Variants in PDCD10 observed in about 807,000 individuals in gnomAD.
PDCD10 encodes programmed cell death protein 10.
Under a neutral mutation model 29.2 loss-of-function variants are expected in PDCD10, and 4 were observed. The ratio of observed to expected loss-of-function variants is 0.14; its 90% confidence interval spans 0.07 to 0.31. PDCD10 has a LOEUF of 0.31. Ranked by LOEUF, PDCD10 falls within the 10% of genes least tolerant of loss-of-function variation. The pLI, the probability that PDCD10 is intolerant of heterozygous loss-of-function variation, is 1.00. For missense variants in PDCD10, 183 were observed against 257.9 expected, an observed-to-expected ratio of 0.71 and a Z score of 1.99; for synonymous variants, 70 against 82.2, an observed-to-expected ratio of 0.85 and a Z score of 0.80.
chr3:167,701,647 A>G (rs1417359964), intron 4 of PDCD10, among the ~76,000 whole-genome samples: 1 of 152,218 alleles, frequency 6.6e-6, no homozygotes, highest in Non-Finnish European at 1.5e-5. Flanking sequence ...TCAGGGGATC[A>G]AGAACCTTTA....
At chr3:167,691,315 T>C (rs1422881001) in intron 6 of PDCD10, among the ~76,000 whole-genome samples, 1 of 152,218 alleles carries the variant, frequency 6.6e-6, no homozygotes, top group African/African-American at 2.4e-5. Flanking sequence ...GGGCAAATTA[T>C]CCCTCCTCAA....
At chr3:167,706,034 G>GAGTC (rs1241460180) in intron 3 of PDCD10, among the ~76,000 whole-genome samples, 3 of 152,168 alleles carry the variant, frequency 2.0e-5, no homozygotes, top group Non-Finnish European at 4.4e-5. Flanking sequence ...AAAAAGGTCT[G>GAGTC]AGTCAGCTGT....
intron 8 of PDCD10, among the ~76,000 whole-genome samples, chr3:167,686,078 T>G (rs561514119): frequency 1.3e-5 from 2 of 152,292 alleles, no homozygotes; most frequent in African/African-American, 4.8e-5. Flanking sequence ...AAAACCTGAA[T>G]AGCAGGATGG....
chr3:167,714,370 C>T (rs1158908904), intron 3 of PDCD10, among the ~76,000 whole-genome samples: 4 of 151,650 alleles, frequency 2.6e-5, no homozygotes, highest in African/African-American at 7.2e-5. Context: ...AAAGCCTTTC[C>T]TCTACGATGT....
intron 3 of PDCD10, among the ~76,000 whole-genome samples, chr3:167,711,565 G>A (rs1335209651): frequency 6.6e-6 from 1 of 152,156 alleles, no homozygotes; most frequent in Non-Finnish European, 1.5e-5. Flanking sequence ...TGGCATTAAA[G>A]AGGAGGTAGA....
At chr3:167,695,279 A>C (rs143996264) in intron 6 of PDCD10, among the ~76,000 whole-genome samples, 29 of 152,334 alleles carry the variant, frequency 1.9e-4, no homozygotes, top group Middle Eastern at 6.8e-3. Context: ...ATTTTGGTAT[A>C]TCTTACTACC....
intron 3 of PDCD10, among the ~76,000 whole-genome samples, chr3:167,705,430 C>T (rs1577344338): frequency 6.6e-6 from 1 of 152,096 alleles, no homozygotes; most frequent in East Asian, 1.9e-4. Context: ...AATATTTCTA[C>T]ACAAACCTTA....
At chr3:167,702,385 C>T (rs1194631147) in intron 4 of PDCD10, among the ~76,000 whole-genome samples, 5 of 152,150 alleles carry the variant, frequency 3.3e-5, no homozygotes, top group African/African-American at 4.8e-5. Flanking sequence ...CTTAATAACA[C>T]TTTCTTTTCT....
chr3:167,726,348 C>T (rs563581547), intron 2 of PDCD10, among the ~76,000 whole-genome samples: 73 of 152,214 alleles, frequency 4.8e-4, no homozygotes, highest in South Asian at 1.5e-3. Context: ...ATCCACCCGC[C>T]TCAGCCTCCC....
intron 3 of PDCD10, among the ~76,000 whole-genome samples, chr3:167,708,591 G>A (rs1722230265): frequency 6.6e-6 from 1 of 152,110 alleles, no homozygotes; most frequent in Admixed American, 6.6e-5. Context: ...ATAAAAATGA[G>A]GTGAGCCAGG....
Position 167,687,170 on chromosome 3 carries a change from C to T in PDCD10, c.557+64G>A, listed in dbSNP as rs922491108. ...AAAAGGGCTTAATTTATGTGGTTTTCATATCATATAAAACCACATAATCTA... is the reference window on the plus strand; with the variant it reads ...AAAAGGGCTTAATTTATGTGGTTTTTATATCATATAAAACCACATAATCTA... On this transcript the variant is annotated intron_variant, in intron 8 of 8. Transcript: ENST00000392750. The T allele has an allele frequency of 3.8e-5, 32 of 846,794 alleles. No homozygotes were observed. In the Admixed American group the frequency reaches 4.7e-4, roughly 13 times the overall value. 52.5% of individuals were successfully genotyped at this position (846,794 alleles called of 1,614,324 possible).
At chr3:167,691,500 G>A (rs1315797464) in intron 6 of PDCD10, among the ~76,000 whole-genome samples, 1 of 152,172 alleles carries the variant, frequency 6.6e-6, no homozygotes, top group Non-Finnish European at 1.5e-5. Context: ...ATTTCCTTAT[G>A]ACTAAAATGT....
chr3:167,726,314 G>T (rs1216246908), intron 2 of PDCD10, among the ~76,000 whole-genome samples: 1 of 151,732 alleles, frequency 6.6e-6, no homozygotes, highest in East Asian at 1.9e-4. Context: ...GGTCAGTTTG[G>T]TTTCAAACTC....
chr3:167,732,420 TGAG>T (rs1724918991), intron 2 of PDCD10, among the ~76,000 whole-genome samples: 1 of 152,102 alleles, frequency 6.6e-6, no homozygotes. Flanking sequence ...AAGTTCAAAA[TGAG>T]AAGAAATGCA....
At chr3:167,719,581 T>C (rs1559972602) in intron 3 of PDCD10, among the ~76,000 whole-genome samples, 1 of 152,154 alleles carries the variant, frequency 6.6e-6, no homozygotes, top group African/African-American at 2.4e-5. Context: ...TTAAAAAGTT[T>C]TGTCACCACT....
intron 3 of PDCD10, among the ~76,000 whole-genome samples, chr3:167,715,098 C>T (rs1416095759): frequency 6.6e-6 from 1 of 151,546 alleles, no homozygotes; most frequent in African/African-American, 2.4e-5. Flanking sequence ...AATAGAGAAC[C>T]CTGAAACAAA....
At chr3:167,732,322 T>C (rs1559984391) in intron 2 of PDCD10, among the ~76,000 whole-genome samples, 1 of 152,188 alleles carries the variant, frequency 6.6e-6, no homozygotes, top group Non-Finnish European at 1.5e-5. Context: ...CTTACATCCT[T>C]AAGAGAAACA....
intron 2 of PDCD10, among the ~76,000 whole-genome samples, chr3:167,724,684 A>C (rs1343459881): frequency 6.6e-6 from 1 of 152,204 alleles, no homozygotes; most frequent in African/African-American, 2.4e-5. Context: ...AATAAAAACA[A>C]ACACAAAAAT....
chr3:167,695,905 T>C (rs973151659), intron 5 of PDCD10, among the ~76,000 whole-genome samples, 183 bp from the exon 6 acceptor site: 11 of 151,252 alleles, frequency 7.3e-5, no homozygotes, highest in African/African-American at 2.7e-4. Flanking sequence ...ACAGCAGGGC[T>C]CCCTTCAAGT....
Sources: gnomAD v4.1 joint callset for allele counts (sites outside exome capture counted in the v4.1 genomes callset) on GRCh38, gnomAD v4.1.1 for gene constraint, MANE v1.5 for transcripts, NCBI Gene and HGNC (gene_info 2026-07-23, HGNC 2026-07-21) for gene names.